Variants in DNAH11 observed in about 807,000 individuals in gnomAD.
The protein encoded by DNAH11 is dynein axonemal heavy chain 11.
In DNAH11, 442 loss-of-function variants were observed where a neutral mutation model predicts 526.0. That is an observed-to-expected ratio of 0.84 (90% CI 0.78 to 0.91). The LOEUF (loss-of-function observed/expected upper bound fraction) is 0.91, where lower values mean the gene tolerates loss of function less well. DNAH11 is among the 40% of genes least tolerant of loss of function. The pLI is 0.00. For synonymous variants in DNAH11, 2,461 were observed against 1,935.9 expected, an observed-to-expected ratio of 1.27 and a Z score of -7.12; for missense variants, 6,989 against 5,448.7, an observed-to-expected ratio of 1.28 and a Z score of -8.90.
At chr7:21,680,719 C>T (rs117186460) in intron 30 of DNAH11, among the ~76,000 whole-genome samples, 18 of 152,190 alleles carry the variant, frequency 1.2e-4, no homozygotes, top group Admixed American at 4.6e-4. Flanking sequence ...TCTACGAGTT[C>T]GACGGACCTA....
chr7:21,699,490 C>A (rs961254576), intron 36 of DNAH11, among the ~76,000 whole-genome samples: 2 of 152,144 alleles, frequency 1.3e-5, no homozygotes, highest in African/African-American at 4.8e-5. Context: ...CAGAATACCA[C>A]AGTTGCAACC....
At chr7:21,800,211 G>GT in intron 61 of DNAH11, among the ~76,000 whole-genome samples, 1 of 152,234 alleles carries the variant, frequency 6.6e-6, no homozygotes, top group African/African-American at 2.4e-5. Context: ...GTTTTCTCTG[G>GT]TTTTTTCTGT....
At chr7:21,555,134 G>A (rs6973537) in intron 2 of DNAH11, among the ~76,000 whole-genome samples, 36,459 of 151,962 alleles carry the variant, frequency 0.24, 4,781 homozygotes, top group African/African-American at 0.36. Context: ...AGAGAGTGTA[G>A]CCCATCTCCT....
intron 74 of DNAH11, among the ~76,000 whole-genome samples, 152 bp downstream of exon 74, chr7:21,873,653 C>G (rs1330433707): frequency 6.6e-6 from 1 of 152,058 alleles, no homozygotes; most frequent in Admixed American, 6.6e-5. Context: ...GTGTTTTAAT[C>G]TCTTGAAAGA....
intron 54 of DNAH11, among the ~76,000 whole-genome samples, chr7:21,755,594 A>T (rs1786595241): frequency 6.6e-6 from 1 of 152,166 alleles, no homozygotes; most frequent in South Asian, 2.1e-4. Context: ...AATGTAAAAA[A>T]TATTTTTAAA....
chr7:21,561,220 A>G (rs1783448782), intron 5 of DNAH11, 50 bp downstream of exon 5: 1 of 1,356,388 alleles, frequency 7.4e-7, no homozygotes, highest in Non-Finnish European at 1.0e-6. Context: ...TCTGCTCATG[A>G]TCCAGCCCCT....
chr7:21,560,949 T>C (rs975310174), intron 4 of DNAH11, 122 bp from the exon 5 acceptor site: 15 of 655,216 alleles, frequency 2.3e-5, no homozygotes, highest in Non-Finnish European at 3.8e-5. Context: ...GATATAACTT[T>C]GAGTGTTAAA....
At chr7:21,660,359 A>T (rs1782192869) in intron 30 of DNAH11, among the ~76,000 whole-genome samples, 1 of 151,870 alleles carries the variant, frequency 6.6e-6, no homozygotes, top group Admixed American at 6.6e-5. Context: ...CACTACTCAA[A>T]CTTAAATCTT....
intron 66 of DNAH11, among the ~76,000 whole-genome samples, chr7:21,846,795 C>T (rs192642779): frequency 8.5e-4 from 129 of 152,202 alleles, no homozygotes; most frequent in African/African-American, 3.1e-3. Flanking sequence ...TACTATTTCT[C>T]CCTTAACTCT....
intron 65 of DNAH11, among the ~76,000 whole-genome samples, chr7:21,834,670 G>GA (rs1237832862): frequency 3.3e-5 from 5 of 151,934 alleles, no homozygotes; most frequent in Non-Finnish European, 1.5e-5. Flanking sequence ...CTATTTCTAT[G>GA]AAAAATTTTA....
chr7:21,646,834 A>G (rs1040952665), intron 28 of DNAH11, among the ~76,000 whole-genome samples: 1 of 152,202 alleles, frequency 6.6e-6, no homozygotes, highest in African/African-American at 2.4e-5. Context: ...ACCTTTTCCA[A>G]GTAATTTATG....
At chr7:21,725,527 G>C (rs1045034867) in intron 44 of DNAH11, among the ~76,000 whole-genome samples, 2 of 152,142 alleles carry the variant, frequency 1.3e-5, no homozygotes, top group African/African-American at 4.8e-5. Context: ...CCCATAAATT[G>C]ATGTGAACAT....
chr7:21,845,201 T>A (rs544506245), intron 66 of DNAH11, among the ~76,000 whole-genome samples: 1 of 152,348 alleles, frequency 6.6e-6, no homozygotes, highest in Non-Finnish European at 1.5e-5. Flanking sequence ...TTGGTGTCCT[T>A]TGAAGCACAA....
chr7:21,601,436 G>A lies in DNAH11; in HGVS notation c.3466G>A (p.Gly1156Arg), dbSNP rs183521702. The change falls in exon 18 of 82, where the codon GGA becomes AGA. Residue 1156 changes from glycine (G) to arginine (R), a missense_variant. Gly to Arg is a moderately radical substitution (Grantham distance 125). Coordinates refer to ENST00000409508, the MANE Select transcript of DNAH11 (RefSeq NM_001277115.2). ...LQEFIKETDS[G>R]LQRELNEGDH... The stretch of plus-strand genomic sequence containing the variant: ...AGAATTTATAAAGGAGACAGATTCC[G>A]GACTTCAGAGAGAATTAAATGAAGG... 515 of 1,613,386 alleles carry A rather than the reference G, an allele frequency of 3.2e-4. 3 individuals carry two copies. The African/African-American group carries it at 4.9e-3, about 15-fold the overall frequency.
chr7:21,899,533 C>T (rs889606581), intron 80 of DNAH11, 85 bp downstream of exon 80: 25 of 1,034,540 alleles, frequency 2.4e-5, no homozygotes, highest in Non-Finnish European at 3.5e-5. Context: ...ATGATGGCGT[C>T]TCCTTGCCCT....
chr7:21,577,422 G>A (rs1417800662), intron 8 of DNAH11, among the ~76,000 whole-genome samples: 1 of 152,136 alleles, frequency 6.6e-6, no homozygotes, highest in Non-Finnish European at 1.5e-5. Context: ...TTTCATCCCT[G>A]CTGGCCAGGA....
intron 9 of DNAH11, among the ~76,000 whole-genome samples, chr7:21,586,163 T>C (rs1784473089): frequency 6.6e-6 from 1 of 152,172 alleles, no homozygotes; most frequent in Non-Finnish European, 1.5e-5. Flanking sequence ...AAACTTGGAG[T>C]TAAGGACCGC....
At chr7:21,765,979 C>T (rs972651862) in intron 55 of DNAH11, among the ~76,000 whole-genome samples, 18 of 152,198 alleles carry the variant, frequency 1.2e-4, no homozygotes, top group Non-Finnish European at 5.9e-5. Context: ...ATGTAGTCAC[C>T]GTAGCCACGC....
At chr7:21,657,570 ATGTGG>A (rs1377933818) in intron 29 of DNAH11, among the ~76,000 whole-genome samples, 2 of 152,200 alleles carry the variant, frequency 1.3e-5, no homozygotes, top group Non-Finnish European at 2.9e-5. Flanking sequence ...ACAGGTGGCC[ATGTGG>A]AGGATATGGA....
Sources: allele counts gnomAD v4.1 joint callset (sites outside exome capture counted in the v4.1 genomes callset), GRCh38; gene constraint gnomAD v4.1.1; transcripts MANE v1.5; gene names NCBI Gene and HGNC (gene_info 2026-07-23, HGNC 2026-07-21).